Variants in USP48 observed in about 807,000 individuals in gnomAD.
USP48 encodes ubiquitin specific peptidase 48, also known as ubiquitin carboxyl-terminal hydrolase 48.
A neutral mutation model predicts 150.7 loss-of-function variants in USP48; 43 were observed. The ratio of observed to expected loss-of-function variants is 0.29; its 90% CI spans 0.22 to 0.37. The LOEUF is 0.37. Ranked by LOEUF, USP48 falls within the 10% of genes least tolerant of loss-of-function variation. The pLI, the probability that USP48 is intolerant of heterozygous loss-of-function variation, is 1.00. For synonymous variants in USP48, 396 were observed against 425.9 expected (o/e 0.93, Z 0.86); for missense variants, 813 against 1,249.6 (o/e 0.65, Z 5.27).
At chr1:21,680,894 TATC>T (rs1275135224) in intron 25 of USP48, 60 bp from the exon 26 acceptor site, 37 of 1,359,944 alleles carry the variant, frequency 2.7e-5, no homozygotes, top group Non-Finnish European at 3.7e-5. Flanking sequence ...CAGACAGTAA[TATC>T]ATTTCAATGC....
chr1:21,679,715 C>A (rs536219006), intron 26 of USP48, among the ~76,000 whole-genome samples: 2 of 152,298 alleles, frequency 1.3e-5, no homozygotes, highest in Non-Finnish European at 2.9e-5. Context: ...TTCTTCTTTT[C>A]TGAGAGTTTC....
chr1:21,776,729 G>T (rs1169556356), intron 1 of USP48, among the ~76,000 whole-genome samples: 3 of 152,120 alleles, frequency 2.0e-5, no homozygotes, highest in Non-Finnish European at 4.4e-5. Flanking sequence ...CAAGGCGGGG[G>T]GATCACTTGA....
chr1:21,683,509 C>T (rs1045057520), intron 25 of USP48, among the ~76,000 whole-genome samples: 3 of 152,046 alleles, frequency 2.0e-5, no homozygotes, highest in African/African-American at 7.2e-5. Context: ...CTCAGCCTCC[C>T]AAGTATCTGA....
chr1:21,729,723 G>A lies in USP48; in HGVS notation c.1281C>T (p.Asn427=). ...VYRLQTQEKP[N]TTVQVPAFLQ... Reference sequence around the variant, plus strand: ...CTTTACCTGGAACTTGAACAGTAGTGTTGGGCTTTTCTTGAGTTTGCAGTC... The same window carrying A: ...CTTTACCTGGAACTTGAACAGTAGTATTGGGCTTTTCTTGAGTTTGCAGTC... The change falls in exon 10 of 27, where the codon AAC becomes AAT. Residue 427 remains asparagine, a synonymous_variant. Coordinates refer to ENST00000308271, the MANE Select transcript of USP48 (RefSeq NM_032236.8). The A allele has an allele frequency of 1.2e-6, 2 of 1,614,042 alleles. No homozygotes were observed. Among genetic ancestry groups the A allele is most frequent in the Non-Finnish European group, 1.7e-6 (2 of 1,179,952 alleles).
chr1:21,780,168 A>T (rs1329042312), intron 1 of USP48, among the ~76,000 whole-genome samples: 1 of 152,238 alleles, frequency 6.6e-6, no homozygotes, highest in Non-Finnish European at 1.5e-5. Context: ...ATGTCCCTCA[A>T]CTGATGAATA....
chr1:21,745,283 T>C (rs541844548), intron 8 of USP48, among the ~76,000 whole-genome samples: 1 of 152,196 alleles, frequency 6.6e-6, no homozygotes, highest in Non-Finnish European at 1.5e-5. Context: ...TAGATAATAT[T>C]TATTTATTTA....
chr1:21,698,963 C>A (rs773139247), intron 22 of USP48, among the ~76,000 whole-genome samples: 12 of 152,086 alleles, frequency 7.9e-5, no homozygotes, highest in Non-Finnish European at 1.6e-4. Context: ...CTAAAACATA[C>A]GGTACTGCCA....
intron 8 of USP48, among the ~76,000 whole-genome samples, chr1:21,739,692 G>A (rs900195894): frequency 6.6e-6 from 1 of 151,976 alleles, no homozygotes; most frequent in Non-Finnish European, 1.5e-5. Context: ...AATGCACAAC[G>A]CATTATTAAC....
chr1:21,725,152 T>A (rs1461407407), intron 11 of USP48: 1 of 152,174 alleles, frequency 6.6e-6, no homozygotes, highest in African/African-American at 2.4e-5. Context: ...CTGTACATCA[T>A]CAACTAAGAG....
intron 8 of USP48, among the ~76,000 whole-genome samples, chr1:21,746,310 G>A (rs2097794404): frequency 6.6e-6 from 1 of 152,080 alleles, no homozygotes; most frequent in Non-Finnish European, 1.5e-5. Context: ...GACCAGCTTG[G>A]CCAACACGGC....
At chr1:21,681,947 C>T (rs934324074) in intron 25 of USP48, among the ~76,000 whole-genome samples, 2 of 152,184 alleles carry the variant, frequency 1.3e-5, no homozygotes, top group Non-Finnish European at 2.9e-5. Context: ...GCTCGCATCC[C>T]ACCACTCCAA....
Position 21,706,182 on chromosome 1 carries a change from C to G in USP48, c.2217G>C (p.Thr739=), listed in dbSNP as rs146446399. 3.7e-6 allele frequency: 6 copies of G among 1,613,500 alleles called. No individual in the cohort carries two copies. The highest frequency in any genetic ancestry group is 5.1e-6 in the Non-Finnish European group (6 of 1,179,830). The change falls in exon 18 of 27, where the codon ACG becomes ACC. Residue 739 remains threonine (T), a synonymous_variant. Transcript: ENST00000308271. ...ACTGAGACACGATGTAGAGGACATCCGTATCCTAGAACACAAAAATCACAA... is the reference window on the plus strand; with the variant it reads ...ACTGAGACACGATGTAGAGGACATCGGTATCCTAGAACACAAAAATCACAA... The part of the protein sequence containing the change: ...RPCLSNWPED[T]DVLYIVSQFF...
rs763646921 is a variant in USP48 at position 21,751,541 on chromosome 1, T to C, written c.740A>G (p.Lys247Arg). The change falls in exon 6 of 27, where the codon AAA becomes AGA. Residue 247 changes from lysine (K) to arginine (R), a missense_variant. Transcript: ENST00000308271. ...YELELNIQGH[K>R]QLTDCISEFL... ...TTCCGAGATACAATCTGTTAACTGTTTGTGGCCTTGGATATTTAACTCCAG... is the reference window on the plus strand; with the variant it reads ...TTCCGAGATACAATCTGTTAACTGTCTGTGGCCTTGGATATTTAACTCCAG... The C allele has an allele frequency of 1.9e-6, 3 of 1,613,982 alleles. No homozygotes were observed. The highest frequency in any genetic ancestry group is 4.5e-5 in the East Asian group (2 of 44,840).
intron 1 of USP48, among the ~76,000 whole-genome samples, chr1:21,778,601 T>TAAAAAAAAAAAAAA (rs35911894): frequency 2.2e-5 from 2 of 88,896 alleles, no homozygotes; most frequent in Non-Finnish European, 4.1e-5. Flanking sequence ...ACCCTCATCT[T>TAAAAAAAAAAAAAA]AAAAAAAAAA....
intron 1 of USP48, among the ~76,000 whole-genome samples, chr1:21,762,791 G>A (rs906101310): frequency 3.3e-5 from 5 of 151,110 alleles, no homozygotes; most frequent in African/African-American, 7.3e-5. Context: ...GCTTGAACCT[G>A]GGAGGCGGAG....
chr1:21,726,400 G>A (rs556798115), intron 11 of USP48: 1 of 152,288 alleles, frequency 6.6e-6, no homozygotes, highest in Admixed American at 6.5e-5. Flanking sequence ...AAGATACAAT[G>A]ATTAGAAAAA....
chr1:21,720,108 A>C (rs951651402), intron 14 of USP48, among the ~76,000 whole-genome samples: 5 of 152,328 alleles, frequency 3.3e-5, no homozygotes, highest in Admixed American at 2.6e-4. Context: ...AACTCAGAGG[A>C]ATTTACAAGG....
chr1:21,690,481 T>C (rs2097594910), intron 23 of USP48, among the ~76,000 whole-genome samples: 1 of 152,122 alleles, frequency 6.6e-6, no homozygotes, highest in South Asian at 2.1e-4. Flanking sequence ...CCATATCCTT[T>C]CATCAACAAG....
At chr1:21,703,438 GC>G in intron 21 of USP48, 73 bp downstream of exon 21, 1 of 1,188,326 alleles carries the variant, frequency 8.4e-7, no homozygotes, top group East Asian at 2.4e-5. Flanking sequence ...GACCCTCAGT[GC>G]AAATACAACA....
Sources: gnomAD v4.1 joint callset for allele counts (sites outside exome capture counted in the v4.1 genomes callset) on GRCh38, gnomAD v4.1.1 for gene constraint, MANE v1.5 for transcripts, NCBI Gene and HGNC (gene_info 2026-07-23, HGNC 2026-07-21) for gene names.